Variants in WDFY4 observed in about 807,000 individuals in gnomAD.
The protein encoded by WDFY4 is WD repeat- and FYVE domain-containing protein 4.
In WDFY4, 169 loss-of-function variants were observed where a neutral mutation model predicts 351.9. That is an observed-to-expected ratio of 0.48 (90% CI 0.42 to 0.55). WDFY4 has a LOEUF of 0.55. Among genes scored for constraint, WDFY4 ranks in the 20% least tolerant of loss-of-function variants. The pLI, the probability that WDFY4 is intolerant of heterozygous loss-of-function variation, is 0.00. For synonymous variants in WDFY4, 1,622 were observed against 1,574.6 expected, an observed-to-expected ratio of 1.03 and a Z score of -0.71; for missense variants, 3,803 against 3,935.6, an observed-to-expected ratio of 0.97 and a Z score of 0.90.
intron 24 of WDFY4, chr10:48,801,434 C>T: frequency 2.2e-6 from 1 of 449,824 alleles, no homozygotes; most frequent in South Asian, 1.6e-5. Flanking sequence ...CCAGGCCTGG[C>T]ATATCATTTG....
intron 51 of WDFY4, among the ~76,000 whole-genome samples, chr10:48,950,298 T>G (rs1434853418): frequency 6.6e-6 from 1 of 152,240 alleles, no homozygotes; most frequent in African/African-American, 2.4e-5. Context: ...TATGCAATGT[T>G]TGTCCTTTTG....
intron 47 of WDFY4, among the ~76,000 whole-genome samples, chr10:48,902,587 T>C (rs1837413190): frequency 6.6e-6 from 1 of 151,790 alleles, no homozygotes; most frequent in Non-Finnish European, 1.5e-5. Context: ...TTGTGATACA[T>C]GGTATTTGCT....
chr10:48,836,377 G>A (rs1810290408), intron 39 of WDFY4, among the ~76,000 whole-genome samples: 1 of 152,168 alleles, frequency 6.6e-6, no homozygotes, highest in Non-Finnish European at 1.5e-5. Context: ...GCAGCACGGA[G>A]ACATTATTCA....
intron 1 of WDFY4, among the ~76,000 whole-genome samples, chr10:48,690,330 C>A (rs1406138228): frequency 6.6e-6 from 1 of 152,124 alleles, no homozygotes; most frequent in Non-Finnish European, 1.5e-5. Context: ...ATGATTAATG[C>A]AATCAAATCA....
rs1308528924 is a variant in WDFY4 at position 48,694,130 on chromosome 10, C to T, written c.-18+9129C>T. Among the ~76,000 whole-genome samples the T allele has an allele frequency of 2.0e-5, 3 of 152,150 alleles. No individual in the cohort carries two copies. In the East Asian group the frequency reaches 5.8e-4, roughly 29 times the overall value. ...CAAACCAAGCCATCTGGAAATGTGT[C>T]AAAATCTTTCTTACCTTAGCACGTG... On this transcript the variant is annotated intron_variant, in intron 1 of 61. Transcript: ENST00000325239.
At chr10:48,738,124 T>A (rs1195042195) in intron 11 of WDFY4, among the ~76,000 whole-genome samples, 1 of 152,240 alleles carries the variant, frequency 6.6e-6, no homozygotes, top group African/African-American at 2.4e-5. Flanking sequence ...GGGTGAATAA[T>A]TGTTCCTGAC....
At chr10:48,778,904 C>A (rs1565188021) in intron 18 of WDFY4, 72 bp downstream of exon 18, 2 of 1,496,350 alleles carry the variant, frequency 1.3e-6, no homozygotes, top group South Asian at 1.2e-5. Flanking sequence ...AAGCTCTCAA[C>A]ACAGGTGTGG....
intron 19 of WDFY4, among the ~76,000 whole-genome samples, chr10:48,780,572 C>T (rs966468275): frequency 3.9e-5 from 6 of 152,170 alleles, no homozygotes; most frequent in South Asian, 2.1e-4. Context: ...GACACCAACA[C>T]GTGTCGTCAG....
chr10:48,841,723 G>A (rs2068614209), intron 39 of WDFY4, among the ~76,000 whole-genome samples: 1 of 152,180 alleles, frequency 6.6e-6, no homozygotes, highest in Non-Finnish European at 1.5e-5. Flanking sequence ...GATCATGATG[G>A]CTTCTGATAA....
At chr10:48,841,931 T>C (rs1186069994) in intron 39 of WDFY4, among the ~76,000 whole-genome samples, 1 of 152,176 alleles carries the variant, frequency 6.6e-6, no homozygotes. Flanking sequence ...TATCTTTTAA[T>C]AAAGCAGCTA....
intron 28 of WDFY4, among the ~76,000 whole-genome samples, chr10:48,810,197 T>G (rs975042552): frequency 1.3e-5 from 2 of 152,180 alleles, no homozygotes; most frequent in Non-Finnish European, 2.9e-5. Flanking sequence ...ATTAGATGGG[T>G]GGCTAGTCAT....
rs1479343191 is a variant in WDFY4, at chr10:48,905,581, C to T, written c.7586+3718C>T. Among the ~76,000 whole-genome samples the T allele has an allele frequency of 7.9e-5, 12 of 152,206 alleles. 1 individual carries two copies. The highest frequency in any genetic ancestry group is 7.2e-4 in the Admixed American group (11 of 15,286). On this transcript the variant is annotated intron_variant, in intron 47 of 61. Coordinates refer to ENST00000325239, the MANE Select transcript of WDFY4 (RefSeq NM_001394531.1). ...GGTCATTCCTGGCACAGTCTCAGCA[C>T]AGCTCCAGGTTGGAGACCCTTGGAG...
At position 48,982,909 on chromosome 10, in the gene WDFY4, A is replaced by G; in HGVS notation, c.*334A>G. 1 of 377,984 alleles carries G rather than the reference A, an allele frequency of 2.6e-6. No homozygotes were observed. The allele number at this position is 377,984 out of a possible 1,614,324, so 23.4% of individuals were successfully genotyped here. On this transcript the variant is annotated 3_prime_UTR_variant, in exon 62 of 62. Coordinates refer to ENST00000325239, the MANE Select transcript of WDFY4 (RefSeq NM_001394531.1). ...AAAAAAGATGGGTCGCTTACTGGAAATTATTGTATTGTCTTTATTTTATTA... is the reference window on the plus strand; with the variant it reads ...AAAAAAGATGGGTCGCTTACTGGAAGTTATTGTATTGTCTTTATTTTATTA...
chr10:48,974,527 A>AAAAAAAAAAAAAAAAAAAAAAAAAAAAAC lies in WDFY4; in HGVS notation c.8929-333_8929-332insAAAAAAAAAAAAAAAAAAAAAAAAAACAA. 7.8e-4 allele frequency among the ~76,000 whole-genome samples: 18 copies of AAAAAAAAAAAAAAAAAAAAAAAAAAAAAC among 23,146 alleles called. 1 individual carries two copies. The highest frequency in any genetic ancestry group is 1.1e-3 in the African/African-American group (15 of 13,750). 15.2% of individuals were successfully genotyped at this position (23,146 alleles called of 152,430 possible). A position where few individuals can be genotyped will look rare whatever the true frequency, so the allele number is the denominator to read the frequency against. ...CAAAAAAAAAAAAAAAAAAAAAAAAAAACAACTCATGACATGAACTGCTCC... is the reference window on the plus strand; with the variant it reads ...CAAAAAAAAAAAAAAAAAAAAAAAAAAAAAAAAAAAAAAAAAAAAAAAAAAAAACAACAACTCATGACATGAACTGCTCC... On this transcript the variant is annotated intron_variant, in intron 57 of 61. Transcript: ENST00000325239.
chr10:48,981,334 C>T (rs762169392), intron 60 of WDFY4, 33 bp from the exon 61 acceptor site: 54 of 1,542,482 alleles, frequency 3.5e-5, no homozygotes, highest in Non-Finnish European at 4.2e-5. Context: ...GCCGATCTGG[C>T]GTTCTAACTC....
chr10:48,738,787 A>G (rs919437077), intron 11 of WDFY4, among the ~76,000 whole-genome samples: 1 of 152,206 alleles, frequency 6.6e-6, no homozygotes, highest in African/African-American at 2.4e-5. Flanking sequence ...GACTGTTTCT[A>G]CAAAGTGTGT....
At chr10:48,826,348 A>G (rs1328710681) in intron 35 of WDFY4, among the ~76,000 whole-genome samples, 2 of 152,230 alleles carry the variant, frequency 1.3e-5, no homozygotes, top group Admixed American at 6.5e-5. Flanking sequence ...GTACAAAAAC[A>G]GTACACTGTT....
chr10:48,763,226 T>A (rs959215164), intron 13 of WDFY4, among the ~76,000 whole-genome samples: 2 of 152,188 alleles, frequency 1.3e-5, no homozygotes, highest in African/African-American at 2.4e-5. Context: ...TGCTTCCCAT[T>A]CTGCAGGTAT....
At chr10:48,947,466 GT>G (rs1413960083) in intron 51 of WDFY4, among the ~76,000 whole-genome samples, 1 of 152,210 alleles carries the variant, frequency 6.6e-6, no homozygotes, top group Non-Finnish European at 1.5e-5. Context: ...CCAGCTTACG[GT>G]CGCCAGGTTT....
Sources: allele counts gnomAD v4.1 joint callset (sites outside exome capture counted in the v4.1 genomes callset), GRCh38; gene constraint gnomAD v4.1.1; transcripts MANE v1.5; gene names NCBI Gene and HGNC (gene_info 2026-07-23, HGNC 2026-07-21).